PDS5B: variants seen among roughly 807,000 people sequenced by gnomAD.
PDS5B encodes the protein sister chromatid cohesion protein PDS5 homolog B.
In PDS5B, 51 loss-of-function variants were observed where a neutral mutation model predicts 184.1. The observed-to-expected ratio is 0.28, with a 90% CI of 0.22 to 0.35. The LOEUF (loss-of-function observed/expected upper bound fraction) is 0.35. Among genes scored for constraint, PDS5B ranks in the 10% least tolerant of loss-of-function variants. The pLI is 1.00. For synonymous variants in PDS5B, 566 were observed against 569.2 expected, an observed-to-expected ratio of 0.99 and a Z score of 0.08; for missense variants, 1,180 against 1,723.3, an observed-to-expected ratio of 0.68 and a Z score of 5.58.
At chr13:32,700,882 A>G (rs1951843660) in intron 16 of PDS5B, 1 of 154,572 alleles carries the variant, frequency 6.5e-6, no homozygotes, top group Non-Finnish European at 1.4e-5. Context: ...TCTTGACTTC[A>G]CCCCAGATCA....
chr13:32,723,649 A>C lies in PDS5B; in HGVS notation c.2124-8452A>C, dbSNP rs181231868. 3.6e-3 allele frequency among the ~76,000 whole-genome samples: 549 copies of C among 152,342 alleles called. 1 individual carries two copies. Among genetic ancestry groups the C allele is most frequent in the Non-Finnish European group, 6.3e-3 (430 of 68,022 alleles). ...TCACATAACTATCTTTAAAAATCTC[A>C]GCTAAAGTTGCTGCTAGTGTGAACA... On this transcript the variant is annotated intron_variant, in intron 19 of 34. Transcript: ENST00000315596.
In PDS5B at chr13:32,696,835, T is replaced by C; in HGVS notation, c.1552-19T>C. The C allele has an allele frequency of 6.3e-7, 1 of 1,581,234 alleles. No homozygotes were observed. Among genetic ancestry groups the C allele is most frequent in the Non-Finnish European group, 8.6e-7 (1 of 1,158,576 alleles). On this transcript the variant is annotated intron_variant, in intron 14 of 34. Coordinates refer to ENST00000315596, the MANE Select transcript of PDS5B (RefSeq NM_015032.4). Reference sequence around the variant, plus strand: ...TTGTTAGGGAATTTTAATTTTGCATTTTTTTGTGTGATTTACAGACAGATG... The same window carrying C: ...TTGTTAGGGAATTTTAATTTTGCATCTTTTTGTGTGATTTACAGACAGATG...
In PDS5B at chr13:32,741,066, T is replaced by A; in HGVS notation, c.2407-14T>A. ...AAAGTCCCTGGTTTTTTTTTTTTTC[T>A]CGTTTATTTTTAGCTTCCAGGGAAA... On this transcript the variant is annotated splice_polypyrimidine_tract_variant and intron_variant, in intron 21 of 34. Coordinates refer to ENST00000315596, the MANE Select transcript of PDS5B (RefSeq NM_015032.4). 6 of 1,351,022 alleles carry A rather than the reference T, an allele frequency of 4.4e-6. No homozygotes were observed. The highest frequency in any genetic ancestry group is 6.2e-6 in the Non-Finnish European group (6 of 965,614). 83.7% of individuals were successfully genotyped at this position (1,351,022 alleles called of 1,614,324 possible).
At chr13:32,739,122 CT>C (rs1953447700) in intron 21 of PDS5B, among the ~76,000 whole-genome samples, 2 of 151,336 alleles carry the variant, frequency 1.3e-5, no homozygotes, top group Admixed American at 6.6e-5. Flanking sequence ...TGAAGGTTTT[CT>C]TTTTTTACAC....
chr13:32,769,648 C>T (rs545644993), intron 31 of PDS5B, among the ~76,000 whole-genome samples: 9 of 152,176 alleles, frequency 5.9e-5, no homozygotes, highest in Non-Finnish European at 1.3e-4. Context: ...ATCTTGCAAC[C>T]TCCATTTGTA....
intron 17 of PDS5B, among the ~76,000 whole-genome samples, chr13:32,702,574 A>G (rs566573682): frequency 5.1e-4 from 78 of 152,314 alleles, no homozygotes; most frequent in African/African-American, 1.8e-3. Context: ...TTGAAAGAGG[A>G]TATCTCTAAG....
intron 22 of PDS5B, 152 bp from the exon 23 acceptor site, chr13:32,742,439 A>G (rs780166185): frequency 1.7e-6 from 1 of 602,176 alleles, no homozygotes; most frequent in Non-Finnish European, 2.8e-6. Flanking sequence ...AACATCTTTA[A>G]AACATTCGAG....
At chr13:32,633,325 TA>T (rs59115628) in intron 1 of PDS5B, among the ~76,000 whole-genome samples, 1,642 of 152,262 alleles carry the variant, frequency 0.011, 41 homozygotes, top group African/African-American at 0.036. Context: ...ATATTTTACA[TA>T]AAAAAAGTAT....
chr13:32,613,374 A>G (rs1458255241), intron 1 of PDS5B, among the ~76,000 whole-genome samples: 1 of 152,164 alleles, frequency 6.6e-6, no homozygotes, highest in African/African-American at 2.4e-5. Context: ...TGAGCGTTTC[A>G]GTTTTTCCAT....
chr13:32,775,095 A>AAATTT lies in PDS5B; in HGVS notation c.*43_*44insAATTT. On this transcript the variant is annotated 3_prime_UTR_variant, in exon 35 of 35. Transcript: ENST00000315596. ...CTTTCTCTGTGAAAGCTTTGGAAAA[A>AAATTT]TCTTTTTTTTTTTTTTTGGTCAAGC... The AAATTT allele has an allele frequency of 2.2e-5, 12 of 547,582 alleles. No individual in the cohort carries two copies. Among genetic ancestry groups the AAATTT allele is most frequent in the Non-Finnish European group, 2.8e-5 (11 of 388,700 alleles). The allele number at this position is 547,582 out of a possible 1,614,324, so 33.9% of individuals were successfully genotyped here.
intron 19 of PDS5B, among the ~76,000 whole-genome samples, chr13:32,710,590 G>A (rs1295974644): frequency 2.6e-5 from 4 of 152,190 alleles, no homozygotes; most frequent in Non-Finnish European, 5.9e-5. Flanking sequence ...TGCAAATTGA[G>A]CTGTTATCCT....
In PDS5B at chr13:32,773,130, C is replaced by T. The variant is rs79320079; in HGVS notation, c.4173-59C>T. On this transcript the variant is annotated intron_variant, in intron 33 of 34. Transcript: ENST00000315596. ...GAAATACGTGAAACATTTCTTCTAA[C>T]GAGGTAATCTACTGAAAGATTGGAA... 3.6e-4 allele frequency: 513 copies of T among 1,416,764 alleles called. 2 individuals carry two copies. Among genetic ancestry groups the T allele is most frequent in the Admixed American group, 2.1e-3 (90 of 43,356 alleles). The allele number at this position is 1,416,764 out of a possible 1,614,324, so 87.8% of individuals were successfully genotyped here.
intron 21 of PDS5B, among the ~76,000 whole-genome samples, chr13:32,739,818 C>T (rs1343458638): frequency 1.3e-5 from 2 of 152,090 alleles, no homozygotes; most frequent in Non-Finnish European, 2.9e-5. Context: ...TCCATATCCT[C>T]TTCAGTGCTT....
chr13:32,677,120 T>G (rs1951092742), intron 9 of PDS5B, among the ~76,000 whole-genome samples: 1 of 152,062 alleles, frequency 6.6e-6, no homozygotes, highest in Non-Finnish European at 1.5e-5. Context: ...GATAAGTGTT[T>G]GTTAAGCTTC....
chr13:32,728,523 A>G (rs1231816944), intron 19 of PDS5B, among the ~76,000 whole-genome samples: 1 of 152,150 alleles, frequency 6.6e-6, no homozygotes, highest in Non-Finnish European at 1.5e-5. Flanking sequence ...AGCAGAGCTC[A>G]TGCTGCCTTT....
chr13:32,718,707 T>C (rs976163210), intron 19 of PDS5B, among the ~76,000 whole-genome samples: 1 of 152,220 alleles, frequency 6.6e-6, no homozygotes, highest in Admixed American at 6.5e-5. Flanking sequence ...TTCATTTTTC[T>C]TGGAAAATCC....
intron 18 of PDS5B, among the ~76,000 whole-genome samples, chr13:32,708,482 G>A (rs1952097642): frequency 6.6e-6 from 1 of 152,140 alleles, no homozygotes; most frequent in Non-Finnish European, 1.5e-5. Context: ...AACTGGGAGA[G>A]CATTACTGAG....
intron 1 of PDS5B, among the ~76,000 whole-genome samples, chr13:32,599,679 C>G (rs565952574): frequency 6.6e-6 from 1 of 152,008 alleles, no homozygotes; most frequent in East Asian, 2.0e-4. Flanking sequence ...CTTTGGGAGG[C>G]CAAGGCGGAT....
chr13:32,739,250 AT>A (rs1953452934), intron 21 of PDS5B, among the ~76,000 whole-genome samples: 1 of 152,050 alleles, frequency 6.6e-6, no homozygotes, highest in African/African-American at 2.4e-5. Context: ...TGTTTATTAA[AT>A]ATCTTACCAT....
Sources: gnomAD v4.1 joint callset for allele counts (sites outside exome capture counted in the v4.1 genomes callset) on GRCh38, gnomAD v4.1.1 for gene constraint, MANE v1.5 for transcripts, NCBI Gene and HGNC (gene_info 2026-07-23, HGNC 2026-07-21) for gene names.